CYP11A1: variants seen among roughly 807,000 people sequenced by gnomAD.
The protein encoded by CYP11A1 is cytochrome P450 family 11 subfamily A member 1, also known as cholesterol side-chain cleavage enzyme, mitochondrial.
In CYP11A1, 25 loss-of-function variants were observed where a neutral mutation model predicts 51.9. The observed-to-expected ratio is 0.48, with a 90% CI of 0.35 to 0.67. The LOEUF (loss-of-function observed/expected upper bound fraction) is 0.67. Ranked by LOEUF, CYP11A1 falls within the 30% of genes least tolerant of loss-of-function variation. The pLI is 0.00. For missense variants in CYP11A1, 578 were observed against 680.9 expected, an observed-to-expected ratio of 0.85 and a Z score of 1.68; for synonymous variants, 245 against 262.1, an observed-to-expected ratio of 0.93 and a Z score of 0.63.
At chr15:74,338,168 A>G (rs1333889453) in intron 8 of CYP11A1, 65 bp from the exon 9 acceptor site, 10 of 1,595,610 alleles carry the variant, frequency 6.3e-6, no homozygotes, top group Admixed American at 1.7e-5. Flanking sequence ...AGCCAGGCCA[A>G]TTCACCCATA....
intron 1 of CYP11A1, chr15:74,365,792 G>A: frequency 1.0e-6 from 1 of 985,578 alleles, no homozygotes; most frequent in Non-Finnish European, 1.2e-6. Flanking sequence ...GAGGCCAGCA[G>A]AGGCGAGGAG....
intron 1 of CYP11A1, among the ~76,000 whole-genome samples, chr15:74,359,188 A>G (rs147685890): frequency 6.6e-6 from 1 of 152,174 alleles, no homozygotes; most frequent in East Asian, 1.9e-4. Flanking sequence ...TAACAACCCC[A>G]CAATATCACC....
intron 8 of CYP11A1, 111 bp downstream of exon 8, chr15:74,338,460 C>A (rs746634283): frequency 8.6e-5 from 99 of 1,148,108 alleles, no homozygotes; most frequent in Non-Finnish European, 1.3e-4. Context: ...GGTAGATGCG[C>A]CCCAGCACTG....
chr15:74,338,213 AAGG>A, intron 8 of CYP11A1, 110 bp from the exon 9 acceptor site: 1 of 1,322,656 alleles, frequency 7.6e-7, no homozygotes, highest in Middle Eastern at 2.2e-4. Context: ...GAGGAGTTCC[AAGG>A]AGTTCACCAC....
At position 74,367,355 on chromosome 15, in the gene CYP11A1, G is replaced by C. The variant is rs1220659318; in HGVS notation, c.231C>G (p.His77Gln). 1 of 1,614,040 alleles carries C rather than the reference G, an allele frequency of 6.2e-7. No individual in the cohort carries two copies. Among genetic ancestry groups the C allele is most frequent in the Non-Finnish European group, 8.5e-7 (1 of 1,180,042 alleles). ...CATACTTCTGGAAATTCTGGACATG[G>C]TGAAGGTGGACTTTGTGTGTGCCCG... Reference protein sequence around the residue: ...RETGTHKVHLHHVQNFQKYGP... With the variant: ...RETGTHKVHLQHVQNFQKYGP... The change falls in exon 1 of 9, where the codon CAC (histidine) becomes CAG (glutamine). Residue 77 changes from histidine to glutamine, a missense_variant. By Grantham distance (24) the His-to-Gln change is conservative. Transcript: ENST00000268053.
At position 74,345,394 on chromosome 15, in the gene CYP11A1, AC is replaced by A; in HGVS notation, c.426-152del. ...GGCCTCTGCCCTCACCTCTCCGAGCACCCTCTGCCTCTCACCTCCTCCCTGC... is the reference window on the plus strand; with the variant it reads ...GGCCTCTGCCCTCACCTCTCCGAGCACCTCTGCCTCTCACCTCCTCCCTGC... On this transcript the variant is annotated intron_variant, in intron 2 of 8. Coordinates refer to ENST00000268053, the MANE Select transcript of CYP11A1 (RefSeq NM_000781.3). The surrounding 1 kb of genome is among the most constrained non-coding windows in gnomAD (Gnocchi z 4.3). 1.3e-6 allele frequency: 1 copy of A among 752,972 alleles called. No individual in the cohort carries two copies. The highest frequency in any genetic ancestry group is 2.3e-6 in the Non-Finnish European group (1 of 435,580). 46.6% of individuals were successfully genotyped at this position (752,972 alleles called of 1,614,324 possible). A position where few individuals can be genotyped will look rare whatever the true frequency, so the allele number is the denominator to read the frequency against.
chr15:74,362,811 G>A (rs1478166578), intron 1 of CYP11A1: 1 of 152,194 alleles, frequency 6.6e-6, no homozygotes, highest in Admixed American at 6.5e-5. Flanking sequence ...CACTTATGGG[G>A]AACATTTTTA....
chr15:74,343,756 C>G, intron 4 of CYP11A1, 33 bp downstream of exon 4: 2 of 1,589,094 alleles, frequency 1.3e-6, no homozygotes, highest in Non-Finnish European at 1.7e-6. Context: ...CCTGGGGCTC[C>G]GAGGAGGAGA....
At chr15:74,347,290 T>C (rs2060636884) in intron 2 of CYP11A1, among the ~76,000 whole-genome samples, 1 of 152,128 alleles carries the variant, frequency 6.6e-6, no homozygotes. Flanking sequence ...GCACCTGTAA[T>C]CCCAGCTACT....
At chr15:74,341,910 AG>A (rs1183270713) in intron 5 of CYP11A1, among the ~76,000 whole-genome samples, 2 of 152,218 alleles carry the variant, frequency 1.3e-5, no homozygotes, top group African/African-American at 4.8e-5. Flanking sequence ...CCAAGGAAAG[AG>A]GCCTTTAGAA....
chr15:74,361,741 G>A, intron 1 of CYP11A1: 1 of 1,264,296 alleles, frequency 7.9e-7, no homozygotes, highest in Non-Finnish European at 1.2e-6. Context: ...ATGTGTCAGG[G>A]TGGTGACTTC....
chr15:74,339,426 C>A, intron 6 of CYP11A1, 111 bp from the exon 7 acceptor site: 1 of 1,415,044 alleles, frequency 7.1e-7, no homozygotes, highest in Non-Finnish European at 9.9e-7. Flanking sequence ...CTGGGGGGAC[C>A]TGGGGGTAGG....
chr15:74,357,717 G>A (rs995055535), intron 1 of CYP11A1, among the ~76,000 whole-genome samples: 5 of 152,096 alleles, frequency 3.3e-5, no homozygotes, highest in African/African-American at 7.2e-5. Flanking sequence ...AGCCAGGACC[G>A]CGCCCGGCAG....
chr15:74,339,714 G>A lies in CYP11A1; in HGVS notation c.1030C>T (p.Arg344Cys), dbSNP rs560966443. 31 of 1,614,122 alleles carry A rather than the reference G, an allele frequency of 1.9e-5. No homozygotes were observed. Among genetic ancestry groups the A allele is most frequent in the South Asian group, 8.8e-5 (8 of 91,072 alleles). ...AGCATATCCTGCACCTTCAGGTTGC[G>A]TGCCATCTCATACAAGTGCCACTGC... The part of the protein sequence containing the change: ...TLQWHLYEMA[R>C]NLKVQDMLRA... Residue 344 changes from arginine to cysteine, a missense_variant, in exon 6 of 9, where the codon CGC becomes TGC. Physicochemically the swap from Arg to Cys is radical, Grantham distance 180 (BLOSUM62 -3). Transcript: ENST00000268053.
intron 2 of CYP11A1, among the ~76,000 whole-genome samples, chr15:74,346,352 C>CAAAAAAAA (rs1231496852): frequency 3.6e-5 from 3 of 83,978 alleles, no homozygotes; most frequent in Non-Finnish European, 6.7e-5. Flanking sequence ...GACTCTGCCT[C>CAAAAAAAA]AAAAAAAAAA....
intron 5 of CYP11A1, 92 bp from the exon 6 acceptor site, chr15:74,339,845 A>G: frequency 3.1e-6 from 4 of 1,283,210 alleles, no homozygotes; most frequent in Non-Finnish European, 4.5e-6. Flanking sequence ...TTTCATTTCC[A>G]AGAACCTCTT....
At chr15:74,348,153 G>T in intron 1 of CYP11A1, 98 bp from the exon 2 acceptor site, 1 of 1,428,676 alleles carries the variant, frequency 7.0e-7, no homozygotes, top group Non-Finnish European at 9.6e-7. Flanking sequence ...CTTGCTGACT[G>T]TGGGACCTGA....
intron 4 of CYP11A1, 140 bp from the exon 5 acceptor site, chr15:74,343,277 C>T (rs946327491): frequency 2.5e-5 from 20 of 805,846 alleles, no homozygotes; most frequent in African/African-American, 1.9e-4. Context: ...TTACTGAGCA[C>T]GTACTCTGTA....
At position 74,367,618 on chromosome 15, in the gene CYP11A1, A is replaced by T; in HGVS notation, c.-33T>A. 6.2e-7 allele frequency: 1 copy of T among 1,608,414 alleles called. No homozygotes were observed. Among genetic ancestry groups the T allele is most frequent in the East Asian group, 2.2e-5 (1 of 44,650 alleles). ...CCACAGCTGTGACTGTACCTGCTCCACTTCAGCGGGGACTGCTAGGATGAC... is the reference window on the plus strand; with the variant it reads ...CCACAGCTGTGACTGTACCTGCTCCTCTTCAGCGGGGACTGCTAGGATGAC... On this transcript the variant is annotated 5_prime_UTR_variant, in exon 1 of 9. Transcript: ENST00000268053.
Sources: gnomAD v4.1 joint callset for allele counts (sites outside exome capture counted in the v4.1 genomes callset) on GRCh38, gnomAD v4.1.1 for gene constraint, Gnocchi (gnomAD v3.1) non-coding constraint, MANE v1.5 for transcripts, NCBI Gene and HGNC (gene_info 2026-07-23, HGNC 2026-07-21) for gene names.